Variants in HTR4 observed in about 807,000 individuals in gnomAD.
The protein encoded by HTR4 is 5-hydroxytryptamine (serotonin) receptor 4, G protein-coupled.
HTR4 carries 16 observed loss-of-function variants against 36.8 expected under a neutral mutation model. The observed-to-expected ratio is 0.43, with a 90% CI of 0.29 to 0.66. HTR4 has a LOEUF of 0.66. Ranked by LOEUF, HTR4 falls within the 30% of genes least tolerant of loss-of-function variation. The pLI is 0.13. For synonymous variants in HTR4, 189 were observed against 185.1 expected, an observed-to-expected ratio of 1.02 and a Z score of -0.17; for missense variants, 438 against 490.9, an observed-to-expected ratio of 0.89 and a Z score of 1.02.
intron 2 of HTR4, among the ~76,000 whole-genome samples, chr5:148,624,639 A>G (rs1753029523): frequency 6.6e-6 from 1 of 152,176 alleles, no homozygotes; most frequent in Non-Finnish European, 1.5e-5. Flanking sequence ...CCTCAAATAG[A>G]GAACTTGTGT....
intron 2 of HTR4, among the ~76,000 whole-genome samples, chr5:148,574,324 T>A (rs1263357141): frequency 3.9e-5 from 6 of 152,046 alleles, no homozygotes; most frequent in African/African-American, 1.4e-4. Context: ...GTTAGGCTAA[T>A]CAGCAATGGA....
downstream of HTR4, among the ~76,000 whole-genome samples, chr5:148,478,311 A>G (rs1450894131): frequency 6.6e-6 from 1 of 151,146 alleles, no homozygotes; most frequent in Non-Finnish European, 1.5e-5. Context: ...AGAAATCAAG[A>G]AAGAGGACAT....
rs781780161 is a variant in HTR4, at chr5:148,576,110, C to CAAAAAAAAAAAAAA, written c.27-25862_27-25849dup. On this transcript the variant is annotated intron_variant, in intron 2 of 6. Coordinates refer to ENST00000377888, the MANE Select transcript of HTR4 (RefSeq NM_000870.7). The stretch of plus-strand genomic sequence containing the variant: ...TGGGCGACAGAGCGAGACTCCGTCT[C>CAAAAAAAAAAAAAA]AAAAAAAAAAAAAAAAAAAAAAACA... Among the ~76,000 whole-genome samples the CAAAAAAAAAAAAAA allele has an allele frequency of 1.7e-3, 56 of 32,660 alleles. 1 individual carries two copies. The highest frequency in any genetic ancestry group is 4.0e-3 in the African/African-American group (30 of 7,484). 21.4% of individuals were successfully genotyped at this position (32,660 alleles called of 152,430 possible).
chr5:148,465,692 C>T (rs1402534453), intron 5 of HTR4, among the ~76,000 whole-genome samples: 1 of 152,172 alleles, frequency 6.6e-6, no homozygotes, highest in East Asian at 1.9e-4. Context: ...ACCACTGAAA[C>T]TATATTAATA....
At position 148,482,815 on chromosome 5, in the gene HTR4, A is replaced by G. The variant is rs1053525854; in HGVS notation, c.*388T>C. On this transcript the variant is annotated 3_prime_UTR_variant, in exon 7 of 7. Coordinates refer to ENST00000377888, the MANE Select transcript of HTR4 (RefSeq NM_000870.7). ...TTTGTTGATATCTGGAAGCCCACAC[A>G]GCAAAGAAGGCGTATTTGGAGACAT... 3.8e-6 allele frequency: 4 copies of G among 1,059,894 alleles called. No individual in the cohort carries two copies. The African/African-American group carries it at 6.5e-5, about 17-fold the overall frequency. 65.7% of individuals were successfully genotyped at this position (1,059,894 alleles called of 1,614,324 possible). A position where few individuals can be genotyped will look rare whatever the true frequency, so the allele number is the denominator to read the frequency against.
chr5:148,544,375 C>A (rs1356103259), intron 4 of HTR4, among the ~76,000 whole-genome samples: 3 of 151,642 alleles, frequency 2.0e-5, no homozygotes, highest in Non-Finnish European at 2.9e-5. Context: ...ATACATGCAT[C>A]TCTATATTTA....
chr5:148,542,853 G>A (rs935488867), intron 4 of HTR4, among the ~76,000 whole-genome samples: 31 of 152,134 alleles, frequency 2.0e-4, no homozygotes, highest in African/African-American at 7.5e-4. Context: ...TGTAGGGTCT[G>A]GCCAGCCTAA....
Position 148,457,766 on chromosome 5 carries a change from TATCATTAAAATATATTTTGAC to T in HTR4, c.1077-6515_1077-6495del, listed in dbSNP as rs1316883924. On this transcript the variant is annotated intron_variant, in intron 5 of 5. Coordinates refer to the HTR4 transcript ENST00000521530. ...TATATCATTAAAATATATTTTGGTA[TATCATTAAAATATATTTTGAC>T]ATATCATTAAAATATCATATATTTT... Among the ~76,000 whole-genome samples, 36 of 143,580 alleles carry T rather than the reference TATCATTAAAATATATTTTGAC, an allele frequency of 2.5e-4. No homozygotes were observed. In the South Asian group the frequency reaches 5.0e-3, roughly 20 times the overall value. The allele number at this position is 143,580 out of a possible 152,430, so 94.2% of individuals were successfully genotyped here.
At chr5:148,653,965 G>T in intron 1 of HTR4, 97 bp downstream of exon 1, 2 of 781,756 alleles carry the variant, frequency 2.6e-6, no homozygotes, top group Non-Finnish European at 3.1e-6. Context: ...GAACCCCCAA[G>T]CCCCCGACCC....
chr5:148,602,399 C>A (rs533367687), intron 2 of HTR4, among the ~76,000 whole-genome samples: 2 of 152,078 alleles, frequency 1.3e-5, no homozygotes, highest in African/African-American at 4.8e-5. Flanking sequence ...CAGAAGAAAT[C>A]AAAATGGGAA....
At chr5:148,547,317 A>T (rs1031991972) in intron 4 of HTR4, among the ~76,000 whole-genome samples, 2 of 151,678 alleles carry the variant, frequency 1.3e-5, no homozygotes, top group African/African-American at 4.8e-5. Context: ...TCCTCAATTT[A>T]AAAAAAACAG....
chr5:148,595,727 C>T (rs1188360663), intron 2 of HTR4, among the ~76,000 whole-genome samples: 1 of 152,068 alleles, frequency 6.6e-6, no homozygotes, highest in African/African-American at 2.4e-5. Context: ...ATGAATAATT[C>T]AATTTATCCT....
chr5:148,639,049 G>C (rs1753643621), intron 1 of HTR4, among the ~76,000 whole-genome samples: 1 of 151,784 alleles, frequency 6.6e-6, no homozygotes, highest in Non-Finnish European at 1.5e-5. Flanking sequence ...CCTGTCTCAA[G>C]AAAAAGAAAG....
At chr5:148,588,203 G>T (rs2127254961) in intron 2 of HTR4, among the ~76,000 whole-genome samples, 1 of 152,330 alleles carries the variant, frequency 6.6e-6, no homozygotes, top group East Asian at 1.9e-4. Flanking sequence ...ACTTTTCTCA[G>T]CACTGGTCTC....
At chr5:148,475,096 G>A (rs1207399650), downstream of HTR4, among the ~76,000 whole-genome samples, 1 of 151,860 alleles carries the variant, frequency 6.6e-6, no homozygotes, top group Non-Finnish European at 1.5e-5. Flanking sequence ...CATAAAATGG[G>A]CATTATATAC....
chr5:148,605,555 G>A (rs978414793), intron 2 of HTR4, among the ~76,000 whole-genome samples: 1 of 151,768 alleles, frequency 6.6e-6, no homozygotes, highest in African/African-American at 2.4e-5. Context: ...ACCATGCCCG[G>A]CCTCACAGAT....
downstream of HTR4, among the ~76,000 whole-genome samples, chr5:148,472,700 T>G (rs1755599283): frequency 6.6e-6 from 1 of 152,164 alleles, no homozygotes; most frequent in South Asian, 2.1e-4. Flanking sequence ...TGGTTTTAAC[T>G]GGCAGGCGAT....
chr5:148,570,666 A>C (rs1264309654), intron 2 of HTR4, among the ~76,000 whole-genome samples: 1 of 152,048 alleles, frequency 6.6e-6, no homozygotes, highest in Admixed American at 6.6e-5. Flanking sequence ...GTCACACATC[A>C]GGAGGGGGTT....
chr5:148,539,265 A>G (rs1372686669), intron 4 of HTR4, among the ~76,000 whole-genome samples: 5 of 152,200 alleles, frequency 3.3e-5, no homozygotes, highest in Non-Finnish European at 7.3e-5. Context: ...CCAAAACTAT[A>G]AAAACTCTGG....
Sources: allele counts gnomAD v4.1 joint callset (sites outside exome capture counted in the v4.1 genomes callset), GRCh38; gene constraint gnomAD v4.1.1; transcripts MANE v1.5; gene names NCBI Gene and HGNC (gene_info 2026-07-23, HGNC 2026-07-21).